GALNT13: variants seen among roughly 807,000 people sequenced by gnomAD.
The protein encoded by GALNT13 is polypeptide N-acetylgalactosaminyltransferase 13.
GALNT13 carries 28 observed loss-of-function variants against 64.2 expected under a neutral mutation model. The observed-to-expected ratio is 0.44, with a 90% CI of 0.32 to 0.60. The LOEUF is 0.60. GALNT13 is among the 20% of genes least tolerant of loss of function. GALNT13 has a pLI of 0.05. For missense variants in GALNT13, 577 were observed against 669.8 expected, an observed-to-expected ratio of 0.86 and a Z score of 1.53; for synonymous variants, 214 against 224.6, an observed-to-expected ratio of 0.95 and a Z score of 0.42.
the GALNT13 span, among the ~76,000 whole-genome samples, chr2:153,611,769 A>G: frequency 7.4e-6 from 1 of 135,760 alleles, no homozygotes; most frequent in African/African-American, 2.8e-5. Flanking sequence ...TACATGTGCC[A>G]TGGTGGTTTA....
At chr2:153,207,684 C>T in the GALNT13 span, among the ~76,000 whole-genome samples, 222 of 152,140 alleles carry the variant, frequency 1.5e-3, 2 homozygotes, top group East Asian at 0.02. Context: ...AGTATCCCTC[C>T]GTGGTGACCA....
At chr2:154,086,369 T>A (rs1701526762) in intron 3 of GALNT13, among the ~76,000 whole-genome samples, 1 of 148,234 alleles carries the variant, frequency 6.7e-6, no homozygotes, top group South Asian at 2.1e-4. Context: ...ATTTTCTTTA[T>A]ATATCACCAA....
At chr2:153,393,871 G>T in the GALNT13 span, among the ~76,000 whole-genome samples, 1 of 151,590 alleles carries the variant, frequency 6.6e-6, no homozygotes, top group African/African-American at 2.4e-5. Flanking sequence ...CAAGCTTGCA[G>T]ATTTTGAATT....
At chr2:153,070,415 A>G in the GALNT13 span, among the ~76,000 whole-genome samples, 22 of 152,306 alleles carry the variant, frequency 1.4e-4, no homozygotes, top group African/African-American at 4.8e-4. Flanking sequence ...GCATTTTTCA[A>G]AAACCATAGA....
intron 9 of GALNT13, among the ~76,000 whole-genome samples, chr2:154,317,209 C>CAAAA (rs10711591): frequency 9.7e-6 from 1 of 103,374 alleles, no homozygotes; most frequent in African/African-American, 3.7e-5. Context: ...CGAGACATCT[C>CAAAA]AAAAAAAAAA....
chr2:153,887,670 T>C (rs960955392), intron 1 of GALNT13, among the ~76,000 whole-genome samples: 2 of 151,980 alleles, frequency 1.3e-5, no homozygotes, highest in African/African-American at 4.8e-5. Context: ...AAGGTTGATA[T>C]CTTCTATTTG....
chr2:153,467,483 G>C, the GALNT13 span, among the ~76,000 whole-genome samples: 4 of 152,086 alleles, frequency 2.6e-5, no homozygotes, highest in African/African-American at 9.7e-5. Flanking sequence ...GAATGGCAGA[G>C]AGGAAAATGC....
the GALNT13 span, among the ~76,000 whole-genome samples, chr2:153,800,324 A>G: frequency 1.3e-5 from 2 of 152,168 alleles, no homozygotes; most frequent in African/African-American, 4.8e-5. Context: ...CCTAATGATC[A>G]TCTGAGCCTT....
At chr2:153,279,366 T>C in the GALNT13 span, among the ~76,000 whole-genome samples, 5 of 152,162 alleles carry the variant, frequency 3.3e-5, no homozygotes, top group African/African-American at 1.2e-4. Context: ...TTTACTTGAC[T>C]GCTCTGGCTA....
chr2:154,149,281 A>G (rs1172250040), intron 4 of GALNT13, among the ~76,000 whole-genome samples: 3 of 151,990 alleles, frequency 2.0e-5, no homozygotes, highest in Admixed American at 6.6e-5. Context: ...TATTCCATTG[A>G]TCTATATCTC....
At chr2:153,176,762 C>A in the GALNT13 span, among the ~76,000 whole-genome samples, 1 of 110,310 alleles carries the variant, frequency 9.1e-6, no homozygotes, top group Non-Finnish European at 2.0e-5. Flanking sequence ...GTAGAAGTTG[C>A]CTGAGTTTAA....
At chr2:153,919,570 C>CA (rs752819913) in intron 2 of GALNT13, among the ~76,000 whole-genome samples, 5 of 151,932 alleles carry the variant, frequency 3.3e-5, no homozygotes, top group African/African-American at 2.4e-5. Flanking sequence ...AACCGTGAGG[C>CA]AAGGTGTCTC....
At chr2:154,286,185 C>G (rs1473614093) in intron 8 of GALNT13, among the ~76,000 whole-genome samples, 2 of 152,116 alleles carry the variant, frequency 1.3e-5, no homozygotes, top group Non-Finnish European at 2.9e-5. Context: ...TTATTCTTGC[C>G]TAAATGCTCT....
the GALNT13 span, among the ~76,000 whole-genome samples, chr2:153,290,417 A>G: frequency 6.6e-6 from 1 of 152,106 alleles, no homozygotes; most frequent in African/African-American, 2.4e-5. Context: ...AAAGTGATTT[A>G]CTCTCCGAAA....
In GALNT13 at chr2:154,041,662, C is replaced by T. The variant is rs1417042524; in HGVS notation, c.142+97023C>T. ...TTAAGAATATACATGTTTAAACAGA[C>T]AAAAGAATTTATATAGATACCATAG... On this transcript the variant is annotated intron_variant, in intron 3 of 12. Transcript: ENST00000392825. Among the ~76,000 whole-genome samples, 2 of 140,398 alleles carry T rather than the reference C, an allele frequency of 1.4e-5. 1 individual carries two copies. Among genetic ancestry groups the T allele is most frequent in the Non-Finnish European group, 3.3e-5 (2 of 61,156 alleles). The allele number at this position is 140,398 out of a possible 152,430, so 92.1% of individuals were successfully genotyped here.
chr2:154,116,148 C>T (rs1444385697), intron 3 of GALNT13, among the ~76,000 whole-genome samples: 2 of 152,012 alleles, frequency 1.3e-5, no homozygotes, highest in African/African-American at 4.8e-5. Context: ...CAGCATGGGT[C>T]GGGGAGGGGA....
intron 3 of GALNT13, among the ~76,000 whole-genome samples, chr2:154,004,548 A>G (rs1368992663): frequency 6.6e-6 from 1 of 152,176 alleles, no homozygotes; most frequent in East Asian, 1.9e-4. Context: ...TTTCTGACAG[A>G]ACATGGAACT....
intron 9 of GALNT13, among the ~76,000 whole-genome samples, chr2:154,365,702 C>T (rs1339963447): frequency 2.6e-5 from 4 of 152,174 alleles, no homozygotes; most frequent in African/African-American, 4.8e-5. Flanking sequence ...AAGTCATCGA[C>T]TTAGGATTCC....
intron 4 of GALNT13, among the ~76,000 whole-genome samples, chr2:154,222,556 T>C (rs1478350517): frequency 3.9e-5 from 6 of 152,274 alleles, no homozygotes; most frequent in South Asian, 2.1e-4. Flanking sequence ...ATTTGTTTCA[T>C]AAAAGGTGAA....
Sources: allele counts gnomAD v4.1 joint callset (sites outside exome capture counted in the v4.1 genomes callset), GRCh38; gene constraint gnomAD v4.1.1; transcripts MANE v1.5; gene names NCBI Gene and HGNC (gene_info 2026-07-23, HGNC 2026-07-21).